The following HEXB variants were observed in gnomAD, a reference collection of about 807,000 sequenced individuals.
HEXB encodes the protein hexosaminidase subunit beta, also known as beta-hexosaminidase subunit beta.
In HEXB, 51 loss-of-function variants were observed where a neutral mutation model predicts 71.2. The observed-to-expected ratio is 0.72, with a 90% confidence interval of 0.57 to 0.90. The LOEUF is 0.90. Ranked by LOEUF, HEXB falls within the 40% of genes least tolerant of loss-of-function variation. HEXB has a pLI of 0.00. For missense variants in HEXB, 617 were observed against 677.0 expected, an observed-to-expected ratio of 0.91 and a Z score of 0.98; for synonymous variants, 266 against 249.3, an observed-to-expected ratio of 1.07 and a Z score of -0.63.
intron 6 of HEXB, among the ~76,000 whole-genome samples, chr5:74,712,598 G>A (rs1237021278): frequency 6.6e-6 from 1 of 151,966 alleles, no homozygotes; most frequent in Non-Finnish European, 1.5e-5. Flanking sequence ...TGATCTACAG[G>A]TCTGCTCTTC....
intron 6 of HEXB, among the ~76,000 whole-genome samples, chr5:74,707,328 C>G (rs1387568342): frequency 6.6e-6 from 1 of 152,144 alleles, no homozygotes; most frequent in Non-Finnish European, 1.5e-5. Context: ...TAGATAAAAC[C>G]ACAAAGATGG....
chr5:74,692,608 A>G (rs1397943509), intron 2 of HEXB, among the ~76,000 whole-genome samples: 1 of 152,200 alleles, frequency 6.6e-6, no homozygotes, highest in East Asian at 1.9e-4. Context: ...TCTAATGGAA[A>G]AGGCTATCTT....
chr5:74,712,146 T>C (rs1252803905), intron 6 of HEXB, among the ~76,000 whole-genome samples: 8 of 144,242 alleles, frequency 5.5e-5, no homozygotes, highest in African/African-American at 1.9e-4. Flanking sequence ...ATGGATGAAA[T>C]TGGAAATCAT....
chr5:74,657,900 C>T (rs988422907), intron 1 of HEXB, among the ~76,000 whole-genome samples: 2 of 152,112 alleles, frequency 1.3e-5, no homozygotes, highest in Admixed American at 6.6e-5. Context: ...ATATGAAGTC[C>T]GGGTTTTTCA....
chr5:74,643,455 A>G (rs959587188), intron 1 of HEXB, among the ~76,000 whole-genome samples: 2 of 152,224 alleles, frequency 1.3e-5, no homozygotes, highest in African/African-American at 2.4e-5. Context: ...CTTACACTGT[A>G]TCCGCATTAC....
At chr5:74,673,238 G>A (rs1339175910) in intron 1 of HEXB, among the ~76,000 whole-genome samples, 1 of 152,184 alleles carries the variant, frequency 6.6e-6, no homozygotes, top group African/African-American at 2.4e-5. Context: ...ACTCCAAGCC[G>A]TCTTCTTGCC....
chr5:74,677,591 A>G (rs1461518822), intron 1 of HEXB, among the ~76,000 whole-genome samples: 1 of 148,922 alleles, frequency 6.7e-6, no homozygotes, highest in East Asian at 2.0e-4. Flanking sequence ...CCTTCATAAC[A>G]GGTCTTTATT....
chr5:74,661,504 TC>T (rs1748318970), intron 1 of HEXB, among the ~76,000 whole-genome samples: 1 of 85,098 alleles, frequency 1.2e-5, no homozygotes, highest in African/African-American at 4.1e-5. Flanking sequence ...GAATTCATTT[TC>T]TCTCTCTCTG....
chr5:74,685,307 C>A lies in HEXB; in HGVS notation c.47C>A (p.Ala16Glu). The A allele has an allele frequency of 1.9e-6, 3 of 1,563,802 alleles. No homozygotes were observed. Among genetic ancestry groups the A allele is most frequent in the Non-Finnish European group, 2.6e-6 (3 of 1,158,060 alleles). The part of the protein sequence containing the change: ...LGLPRPPMLL[A>E]LLLATLLAAM... ...CTGCCCCGGCCGCCCATGCTGCTGG[C>A]GCTGCTGTTGGCGACACTGCTGGCG... is the stretch of plus-strand genomic sequence containing the variant. The change falls in exon 1 of 14, where the codon GCG (alanine) becomes GAG (glutamate). Residue 16 changes from alanine (A) to glutamate (E), a missense_variant. Physicochemically the swap from Ala to Glu is moderately radical, Grantham distance 107. Transcript: ENST00000261416.
chr5:74,673,658 G>T (rs866635804), intron 1 of HEXB, among the ~76,000 whole-genome samples: 2 of 152,214 alleles, frequency 1.3e-5, no homozygotes, highest in African/African-American at 4.8e-5. Flanking sequence ...AGATGTGATT[G>T]CATGAGCCTT....
chr5:74,647,311 T>C (rs146000198), intron 1 of HEXB, among the ~76,000 whole-genome samples: 1 of 152,238 alleles, frequency 6.6e-6, no homozygotes, highest in Non-Finnish European at 1.5e-5. Context: ...TCTCTAAGCA[T>C]GTCTGGGCAT....
chr5:74,683,372 C>T (rs964982504), upstream of HEXB, among the ~76,000 whole-genome samples: 1 of 151,966 alleles, frequency 6.6e-6, no homozygotes, highest in African/African-American at 2.4e-5. Context: ...GGTGCAATCT[C>T]GGCTCACTGC....
At chr5:74,662,780 A>T (rs183856150) in intron 1 of HEXB, among the ~76,000 whole-genome samples, 1 of 152,344 alleles carries the variant, frequency 6.6e-6, no homozygotes, top group East Asian at 1.9e-4. Flanking sequence ...ACCTTTCCAG[A>T]AATGTATTAA....
At chr5:74,695,839 TAAAA>T (rs34022383) in intron 3 of HEXB, among the ~76,000 whole-genome samples, 1 of 132,926 alleles carries the variant, frequency 7.5e-6, no homozygotes, top group Admixed American at 7.7e-5. Flanking sequence ...AGACTCCGTC[TAAAA>T]AAAAAAAAAA....
chr5:74,642,150 C>T (rs1747908377), intron 1 of HEXB, among the ~76,000 whole-genome samples: 1 of 152,212 alleles, frequency 6.6e-6, no homozygotes, highest in South Asian at 2.1e-4. Context: ...TATCCTTGTT[C>T]CTTCCTGGTA....
At chr5:74,711,436 G>A (rs1749538398) in intron 6 of HEXB, among the ~76,000 whole-genome samples, 1 of 151,838 alleles carries the variant, frequency 6.6e-6, no homozygotes, top group South Asian at 2.1e-4. Flanking sequence ...TTGACAAATG[G>A]GATCTAATTA....
intron 1 of HEXB, among the ~76,000 whole-genome samples, chr5:74,660,962 A>T (rs16872160): frequency 6.6e-6 from 1 of 152,062 alleles, no homozygotes; most frequent in South Asian, 2.1e-4. Context: ...CGGGCATAAC[A>T]GCATCTCACT....
At chr5:74,704,870 T>C (rs1413762606) in intron 5 of HEXB, among the ~76,000 whole-genome samples, 3 of 152,116 alleles carry the variant, frequency 2.0e-5, no homozygotes, top group East Asian at 3.9e-4. Flanking sequence ...GGCGGGTGGT[T>C]GGCTTGAGCC....
chr5:74,694,542 C>T (rs911111993), intron 3 of HEXB, among the ~76,000 whole-genome samples: 3 of 152,142 alleles, frequency 2.0e-5, no homozygotes, highest in South Asian at 2.1e-4. Flanking sequence ...GACCTCAGGA[C>T]ATTTGCTGTT....
Sources: gnomAD v4.1 joint callset for allele counts (sites outside exome capture counted in the v4.1 genomes callset) on GRCh38, gnomAD v4.1.1 for gene constraint, MANE v1.5 for transcripts, NCBI Gene and HGNC (gene_info 2026-07-23, HGNC 2026-07-21) for gene names.